The following MKLN1 variants were observed in gnomAD, a reference collection of about 807,000 sequenced individuals.
MKLN1 encodes muskelin 1, also known as muskelin.
A neutral mutation model predicts 99.0 loss-of-function variants in MKLN1; 18 were observed. The observed-to-expected ratio is 0.18, with a 90% CI of 0.13 to 0.27. MKLN1 has a LOEUF of 0.27. MKLN1 is among the 10% of genes least tolerant of loss of function. MKLN1 has a pLI of 1.00. For synonymous variants in MKLN1, 288 were observed against 293.2 expected (o/e 0.98, Z 0.18); for missense variants, 621 against 875.9 (o/e 0.71, Z 3.67).
At chr7:131,254,035 G>A (rs1797620866) in intron 3 of MKLN1, among the ~76,000 whole-genome samples, 1 of 152,136 alleles carries the variant, frequency 6.6e-6, no homozygotes. Context: ...GGGCATTGTT[G>A]AAAACAATAG....
At chr7:131,250,349 G>A (rs1797559118) in intron 3 of MKLN1, among the ~76,000 whole-genome samples, 1 of 152,176 alleles carries the variant, frequency 6.6e-6, no homozygotes, top group Admixed American at 6.5e-5. Context: ...AGTGGAGTTG[G>A]GGACTCCCCC....
rs150780881 is a variant in MKLN1 at position 131,487,964 on chromosome 7, A to AAT, written c.*253_*254dup. The AAT allele has an allele frequency of 0.021, 3,720 of 179,418 alleles. 91 individuals carry two copies. Among genetic ancestry groups the AAT allele is most frequent in the African/African-American group, 0.07 (2,906 of 41,714 alleles). The allele number at this position is 179,418 out of a possible 1,614,324, so 11.1% of individuals were successfully genotyped here. A position where few individuals can be genotyped will look rare whatever the true frequency, so the allele number is the denominator to read the frequency against. On this transcript the variant is annotated 3_prime_UTR_variant, in exon 18 of 18. Transcript: ENST00000352689. This position sits in a 1 kb window ranked among gnomAD's most constrained non-coding sequence, Gnocchi z 4.7. Reference sequence around the variant, plus strand: ...GTGAAATTGGTATACTTTCCAGTTAAATATATATATATATATATTTTTTCT... The same window carrying AAT: ...GTGAAATTGGTATACTTTCCAGTTAAATATATATATATATATATATTTTTTCT...
chr7:131,484,790 C>G (rs553065808), intron 17 of MKLN1, among the ~76,000 whole-genome samples: 2 of 151,732 alleles, frequency 1.3e-5, no homozygotes, highest in Admixed American at 6.6e-5. Flanking sequence ...GGTAGTGGTA[C>G]ATATATAGCA....
chr7:131,384,671 A>T (rs1793955501), intron 2 of MKLN1, among the ~76,000 whole-genome samples: 1 of 152,220 alleles, frequency 6.6e-6, no homozygotes, highest in African/African-American at 2.4e-5. Flanking sequence ...ACCTATAGTT[A>T]GCTGTGTAAC....
intron 12 of MKLN1, among the ~76,000 whole-genome samples, chr7:131,459,925 G>C (rs1009876477): frequency 6.6e-6 from 1 of 152,026 alleles, no homozygotes; most frequent in Non-Finnish European, 1.5e-5. Flanking sequence ...TATCCTCTGT[G>C]TCCTTTAACT....
Position 131,440,686 on chromosome 7 carries a change from A to G in MKLN1, c.1173+2689A>G, listed in dbSNP as rs533557317. On this transcript the variant is annotated intron_variant, in intron 10 of 17. Coordinates refer to ENST00000352689, the MANE Select transcript of MKLN1 (RefSeq NM_013255.5). ...TAAAACAAAGAGGTAAAAATGATTA[A>G]CCAGGGAAGGTAGGCAGAGGAGAGC... 6.6e-5 allele frequency among the ~76,000 whole-genome samples: 10 copies of G among 150,944 alleles called. 1 individual carries two copies. The South Asian group carries it at 2.1e-3, about 32-fold the overall frequency.
At chr7:131,389,870 C>G (rs1176531854) in intron 4 of MKLN1, among the ~76,000 whole-genome samples, 1 of 149,712 alleles carries the variant, frequency 6.7e-6, no homozygotes, top group Non-Finnish European at 1.5e-5. Context: ...GCCTGGGAGA[C>G]AGAGCGAGAC....
chr7:131,405,114 A>G (rs956199365), intron 6 of MKLN1, among the ~76,000 whole-genome samples: 3 of 152,186 alleles, frequency 2.0e-5, no homozygotes, highest in Non-Finnish European at 2.9e-5. Context: ...ATAATTGTCT[A>G]TAATCAAAAA....
intron 3 of MKLN1, among the ~76,000 whole-genome samples, chr7:131,233,320 C>T (rs1485244967): frequency 1.3e-5 from 2 of 151,656 alleles, no homozygotes; most frequent in African/African-American, 4.8e-5. Flanking sequence ...TTGTAGTGAT[C>T]TACGATGCCA....
At chr7:131,209,513 A>G (rs1412903764) in intron 3 of MKLN1, among the ~76,000 whole-genome samples, 1 of 152,184 alleles carries the variant, frequency 6.6e-6, no homozygotes, top group Non-Finnish European at 1.5e-5. Flanking sequence ...GGAACCAAAG[A>G]TATGTCCTCT....
chr7:131,356,313 A>G (rs1799877902), intron 1 of MKLN1, among the ~76,000 whole-genome samples: 1 of 151,940 alleles, frequency 6.6e-6, no homozygotes, highest in Non-Finnish European at 1.5e-5. Context: ...GCAACCAGTT[A>G]TTACTTTAGA....
chr7:131,495,414 T>C lies in MKLN1; in HGVS notation c.*7686T>C, dbSNP rs1401730271. ...AAGTTGGAGAATGTTAAATATCTTATATGGGACTTACGATAAAATGTATTG... is the reference window on the plus strand; with the variant it reads ...AAGTTGGAGAATGTTAAATATCTTACATGGGACTTACGATAAAATGTATTG... On this transcript the variant is annotated 3_prime_UTR_variant, in exon 18 of 18. Transcript: ENST00000352689. 6.6e-6 allele frequency: 1 copy of C among 152,198 alleles called. No individual in the cohort carries two copies. Among genetic ancestry groups the C allele is most frequent in the African/African-American group, 2.4e-5 (1 of 41,452 alleles). 9.4% of individuals were successfully genotyped at this position (152,198 alleles called of 1,614,324 possible).
chr7:131,474,590 A>G (rs1796915378), intron 16 of MKLN1, among the ~76,000 whole-genome samples: 1 of 152,248 alleles, frequency 6.6e-6, no homozygotes, highest in Non-Finnish European at 1.5e-5. Flanking sequence ...AGCCAATACA[A>G]TTTATTTTTC....
chr7:131,404,626 A>T (rs1182789641), intron 6 of MKLN1, among the ~76,000 whole-genome samples: 4 of 151,170 alleles, frequency 2.6e-5, no homozygotes, highest in African/African-American at 9.8e-5. Flanking sequence ...TTTTTTTGAG[A>T]CAGGGTCTCT....
intron 3 of MKLN1, among the ~76,000 whole-genome samples, chr7:131,318,671 T>C (rs921106872): frequency 1.3e-5 from 2 of 152,142 alleles, no homozygotes; most frequent in Non-Finnish European, 2.9e-5. Flanking sequence ...CAGAGGTAGT[T>C]TTTTTAAAAA....
chr7:131,333,024 A>C (rs1230668419), intron 1 of MKLN1, among the ~76,000 whole-genome samples: 1 of 152,040 alleles, frequency 6.6e-6, no homozygotes, highest in East Asian at 1.9e-4. Context: ...CCTGGCTTCA[A>C]GCAATTCTTG....
At chr7:131,209,197 G>A (rs1298982804) in intron 3 of MKLN1, among the ~76,000 whole-genome samples, 1 of 152,228 alleles carries the variant, frequency 6.6e-6, no homozygotes, top group African/African-American at 2.4e-5. Flanking sequence ...AGTTGGACAA[G>A]TGGACAGGAC....
chr7:131,161,776 T>C (rs1026053341), intron 2 of MKLN1, among the ~76,000 whole-genome samples: 23 of 151,674 alleles, frequency 1.5e-4, no homozygotes, highest in African/African-American at 5.6e-4. Context: ...CCTGACCTCG[T>C]GATCCGCCCG....
At chr7:131,357,883 C>T (rs888856782) in intron 1 of MKLN1, among the ~76,000 whole-genome samples, 2 of 152,102 alleles carry the variant, frequency 1.3e-5, no homozygotes, top group African/African-American at 2.4e-5. Flanking sequence ...TGTCCTGCTT[C>T]GGGGGTTTTG....
Sources: gnomAD v4.1 joint callset for allele counts (sites outside exome capture counted in the v4.1 genomes callset) on GRCh38, gnomAD v4.1.1 for gene constraint, Gnocchi (gnomAD v3.1) non-coding constraint, MANE v1.5 for transcripts, NCBI Gene and HGNC (gene_info 2026-07-23, HGNC 2026-07-21) for gene names.